The following TTLL4 variants were observed in gnomAD, a reference collection of about 807,000 sequenced individuals.
The protein encoded by TTLL4 is tubulin tyrosine ligase like 4.
TTLL4 carries 85 observed loss-of-function variants against 122.7 expected under a neutral mutation model. That is an observed-to-expected ratio of 0.69 (90% CI 0.58 to 0.83). The LOEUF (loss-of-function observed/expected upper bound fraction) is 0.83, where lower values mean the gene tolerates loss of function less well. Ranked by LOEUF, TTLL4 falls within the 40% of genes least tolerant of loss-of-function variation. The pLI, the probability that TTLL4 is intolerant of heterozygous loss-of-function variation, is 0.00. For synonymous variants in TTLL4, 553 were observed against 563.0 expected, an observed-to-expected ratio of 0.98 and a Z score of 0.25; for missense variants, 1,363 against 1,488.6, an observed-to-expected ratio of 0.92 and a Z score of 1.39.
At chr2:218,740,822 C>G (rs1456357186) in intron 5 of TTLL4, among the ~76,000 whole-genome samples, 1 of 152,076 alleles carries the variant, frequency 6.6e-6, no homozygotes, top group Admixed American at 6.6e-5. Flanking sequence ...ACCTGTAACC[C>G]CAGCACTTTG....
chr2:218,752,164 T>G (rs1209002345), intron 16 of TTLL4, among the ~76,000 whole-genome samples: 1 of 152,192 alleles, frequency 6.6e-6, no homozygotes. Flanking sequence ...TGCCTCGGCC[T>G]CCCGAAGTGC....
rs1234375497 is a variant in TTLL4, at chr2:218,726,912, G to A, written c.-177-357G>A. Reference sequence around the variant, plus strand: ...CTTTGCCTCCCGGGTTCAAGTGATTGTCCTGCCTCAGCCTCCTGTAGCCTG... The same window carrying A: ...CTTTGCCTCCCGGGTTCAAGTGATTATCCTGCCTCAGCCTCCTGTAGCCTG... On this transcript the variant is annotated intron_variant, in intron 1 of 19. Transcript: ENST00000392102. Among the ~76,000 whole-genome samples, 6 of 151,810 alleles carry A rather than the reference G, an allele frequency of 4.0e-5. No individual in the cohort carries two copies. The East Asian group carries it at 9.7e-4, about 24-fold the overall frequency.
intron 1 of TTLL4, among the ~76,000 whole-genome samples, chr2:218,716,415 T>C (rs1376686355): frequency 6.6e-6 from 1 of 151,806 alleles, no homozygotes; most frequent in Non-Finnish European, 1.5e-5. Flanking sequence ...GCATAAATGT[T>C]TTATATGTAC....
chr2:218,737,942 G>A lies in TTLL4; in HGVS notation c.266G>A (p.Ser89Asn), dbSNP rs760969926. Residue 89 changes from serine to asparagine, a missense_variant, in exon 3 of 20, where the codon AGC becomes AAC. Ser to Asn is a conservative substitution (Grantham distance 46, BLOSUM62 1). This residue lies in a region of TTLL4 where 760 missense variants were observed against 808.4 expected (regional missense o/e 0.94). Coordinates refer to ENST00000392102, the MANE Select transcript of TTLL4 (RefSeq NM_014640.5). The part of the protein sequence containing the change: ...AYFFCPSTLC[S>N]SGTTAVIAGH... ...TTCTTTTGCCCCAGCACTTTATGTA[G>A]CTCTGGGACCACGGCTGTCATTGCA... 6.2e-6 allele frequency: 10 copies of A among 1,614,048 alleles called. No individual in the cohort carries two copies. The Middle Eastern group carries it at 4.9e-4, about 80-fold the overall frequency.
chr2:218,748,146 A>G lies in TTLL4; in HGVS notation c.2420A>G (p.His807Arg), dbSNP rs770061860. ...AAGAGCCTTGGCAATAAGTTCATGC[A>G]CCTGACCAACTACAGTGTCAATAAA... ...SMKSLGNKFM[H>R]LTNYSVNKKN... Residue 807 changes from histidine (H) to arginine (R), a missense_variant, in exon 12 of 20, where the codon CAC becomes CGC. Around this residue, in one of 3 missense-constraint regions of TTLL4, gnomAD observed 596 missense variants for 655.8 expected, o/e 0.91. Coordinates refer to ENST00000392102, the MANE Select transcript of TTLL4 (RefSeq NM_014640.5). 6.2e-7 allele frequency: 1 copy of G among 1,614,104 alleles called. No individual in the cohort carries two copies. Among genetic ancestry groups the G allele is most frequent in the Non-Finnish European group, 8.5e-7 (1 of 1,180,022 alleles).
At chr2:218,719,706 C>T (rs1941976624) in intron 1 of TTLL4, among the ~76,000 whole-genome samples, 1 of 152,226 alleles carries the variant, frequency 6.6e-6, no homozygotes, top group Non-Finnish European at 1.5e-5. Context: ...ACTGAATCCT[C>T]TTGAAGGTGA....
At chr2:218,748,016 C>T (rs1942895536) in intron 11 of TTLL4, 89 bp from the exon 12 acceptor site, 4 of 1,538,532 alleles carry the variant, frequency 2.6e-6, no homozygotes, top group Non-Finnish European at 3.6e-6. Context: ...ACTTGTTCTA[C>T]ACCTCTTCAG....
intron 1 of TTLL4, among the ~76,000 whole-genome samples, chr2:218,718,048 C>T (rs1275552819): frequency 6.6e-6 from 1 of 152,226 alleles, no homozygotes; most frequent in African/African-American, 2.4e-5. Flanking sequence ...CTCAGCCTCC[C>T]AAAGTGTTGG....
chr2:218,753,749 G>C, intron 19 of TTLL4, 80 bp downstream of exon 19: 1 of 1,482,516 alleles, frequency 6.7e-7, no homozygotes, highest in African/African-American at 1.4e-5. Context: ...CCCAGACTGT[G>C]GCAGTGAGAT....
Position 218,738,776 on chromosome 2 carries a change from G to A in TTLL4, c.1100G>A (p.Ser367Asn). 6.2e-7 allele frequency: 1 copy of A among 1,614,194 alleles called. No homozygotes were observed. The change falls in exon 3 of 20, where the codon AGC (serine) becomes AAC (asparagine). Residue 367 changes from serine to asparagine, a missense_variant. Physicochemically the swap from Ser to Asn is conservative, Grantham distance 46 (BLOSUM62 1). Transcript: ENST00000392102. ...GAACAGTCTAGTTTCCTGAACCCCA[G>A]CTTCCAGTGGAATGTCCTCAACAGG... ...QLEQSSFLNP[S>N]FQWNVLNRSR...
chr2:218,739,112 A>C lies in TTLL4; in HGVS notation c.1436A>C (p.Lys479Thr). 1 of 1,614,100 alleles carries C rather than the reference A, an allele frequency of 6.2e-7. No individual in the cohort carries two copies. Among genetic ancestry groups the C allele is most frequent in the Non-Finnish European group, 8.5e-7 (1 of 1,180,028 alleles). Residue 479 changes from lysine to threonine, a missense_variant, in exon 3 of 20, where the codon AAG (lysine) becomes ACG (threonine). Lys to Thr is a moderately conservative substitution (Grantham distance 78). Around this residue, in one of 3 missense-constraint regions of TTLL4, gnomAD observed 760 missense variants for 808.4 expected, o/e 0.94. Transcript: ENST00000392102. The part of the protein sequence containing the change: ...LSSIQLGQSE[K>T]ERPEEARELD... ...TCCATCCAGCTGGGCCAGTCTGAGA[A>C]GGAGAGACCTGAGGAGGCCAGGGAG...
chr2:218,745,503 G>C (rs1942816289), intron 6 of TTLL4, 188 bp from the exon 7 acceptor site: 1 of 634,136 alleles, frequency 1.6e-6, no homozygotes, highest in African/African-American at 1.8e-5. Flanking sequence ...CCCTTTCTTT[G>C]TTCCTCATTC....
At chr2:218,745,285 C>T (rs1365764428) in intron 6 of TTLL4, 52 bp downstream of exon 6, 1 of 1,610,302 alleles carries the variant, frequency 6.2e-7, no homozygotes, top group South Asian at 1.1e-5. Context: ...GAGAAGGTTG[C>T]TAGCTAAGTT....
intron 2 of TTLL4, among the ~76,000 whole-genome samples, chr2:218,730,650 T>C (rs1481482132): frequency 6.6e-6 from 1 of 152,252 alleles, no homozygotes; most frequent in Non-Finnish European, 1.5e-5. Context: ...TCTTTTGACA[T>C]GTCTCTATCA....
chr2:218,714,179 A>G (rs964373938), intron 1 of TTLL4, among the ~76,000 whole-genome samples: 1 of 152,200 alleles, frequency 6.6e-6, no homozygotes, highest in East Asian at 1.9e-4. Flanking sequence ...AGGCAAAGTG[A>G]GAAGTCTGAA....
chr2:218,748,710 C>A, intron 12 of TTLL4, 126 bp from the exon 13 acceptor site: 3 of 627,700 alleles, frequency 4.8e-6, no homozygotes, highest in Non-Finnish European at 7.8e-6. Context: ...TCATCTCTTT[C>A]ATAATTTAAA....
chr2:218,748,955 G>C, intron 13 of TTLL4, 21 bp downstream of exon 13: 1 of 1,610,496 alleles, frequency 6.2e-7, no homozygotes. Context: ...TTGCCAACCT[G>C]GATGTGGGGC....
At chr2:218,756,597 T>G (rs192529090), downstream of TTLL4, among the ~76,000 whole-genome samples, 1 of 152,340 alleles carries the variant, frequency 6.6e-6, no homozygotes, top group African/African-American at 2.4e-5. Flanking sequence ...CATATATACT[T>G]TTGTATTGAA....
chr2:218,711,323 A>G lies in TTLL4; in HGVS notation c.-178+286A>G, dbSNP rs188712294. 1.7e-3 allele frequency among the ~76,000 whole-genome samples: 259 copies of G among 152,184 alleles called. 1 individual carries two copies. The highest frequency in any genetic ancestry group is 5.5e-3 in the African/African-American group (229 of 41,508). ...GTGCCCGAACACTGCCTCATCCCCT[A>G]GTTATGGCCTCCGAGCTTCCTCTGT... On this transcript the variant is annotated intron_variant, in intron 1 of 19. Coordinates refer to ENST00000392102, the MANE Select transcript of TTLL4 (RefSeq NM_014640.5).
Sources: allele counts gnomAD v4.1 joint callset (sites outside exome capture counted in the v4.1 genomes callset), GRCh38; gene constraint gnomAD v4.1.1; regional missense constraint gnomAD v4.1.1; transcripts MANE v1.5; gene names NCBI Gene and HGNC (gene_info 2026-07-23, HGNC 2026-07-21).